Variants in ACLY observed in about 807,000 individuals in gnomAD.
The protein encoded by ACLY is ATP-citrate synthase.
ACLY carries 41 observed loss-of-function variants against 133.0 expected under a neutral mutation model. That is an observed-to-expected ratio of 0.31 (90% CI 0.24 to 0.40). The LOEUF (loss-of-function observed/expected upper bound fraction) is 0.40. ACLY is among the 10% of genes least tolerant of loss of function. The probability of loss-of-function intolerance (pLI) is 1.00; values close to 1 mark genes in which losing one functional copy is unlikely to be tolerated. For missense variants in ACLY, 1,046 were observed against 1,453.8 expected (o/e 0.72, Z 4.56); for synonymous variants, 495 against 549.3 (o/e 0.90, Z 1.38).
At chr17:41,870,126 G>T (rs1360413541) in intron 25 of ACLY, among the ~76,000 whole-genome samples, 16 of 152,160 alleles carry the variant, frequency 1.1e-4, no homozygotes, top group Non-Finnish European at 7.3e-5. Context: ...ATACCAAATC[G>T]AATACCAAAG....
intron 3 of ACLY, among the ~76,000 whole-genome samples, chr17:41,911,437 C>A (rs1281134667): frequency 3.3e-5 from 5 of 152,222 alleles, no homozygotes; most frequent in African/African-American, 1.2e-4. Context: ...TAATTTTATT[C>A]CAGGCATCTC....
chr17:41,890,743 G>A (rs1555629082), intron 16 of ACLY, among the ~76,000 whole-genome samples: 6 of 142,340 alleles, frequency 4.2e-5, no homozygotes, highest in African/African-American at 1.5e-4. Context: ...GCTCACTCCT[G>A]TAATCCCAGC....
rs2049965296 is a variant in ACLY at position 41,913,599 on chromosome 17, C to T, written c.159+116G>A. ...TCAGCCCATGGCATGCTTCCCACAG[C>T]TGCTGCTGGCAGCCTCCAACCCCAT... On this transcript the variant is annotated intron_variant, in intron 2 of 28. Transcript: ENST00000352035. 6 of 1,130,130 alleles carry T rather than the reference C, an allele frequency of 5.3e-6. No homozygotes were observed. The East Asian group carries it at 7.1e-5, about 13-fold the overall frequency. The allele number at this position is 1,130,130 out of a possible 1,614,324, so 70.0% of individuals were successfully genotyped here.
At chr17:41,917,509 A>T (rs1409691265) in intron 1 of ACLY, among the ~76,000 whole-genome samples, 1 of 152,122 alleles carries the variant, frequency 6.6e-6, no homozygotes, top group Non-Finnish European at 1.5e-5. Context: ...GGCTGAATGA[A>T]AGAAGCCTGT....
chr17:41,867,871 C>T lies in ACLY; in HGVS notation c.3245G>A (p.Gly1082Glu). The change falls in exon 29 of 29, where the codon GGG becomes GAG. Residue 1082 changes from glycine (G) to glutamate (E), a missense_variant. Gly to Glu is a moderately conservative substitution (Grantham distance 98, BLOSUM62 -2). This residue lies in a region of ACLY where 205 missense variants were observed against 373.3 expected (regional missense o/e 0.55). Coordinates refer to ENST00000352035, the MANE Select transcript of ACLY (RefSeq NM_001096.3). The part of the protein sequence containing the change: ...HYLDQKRLKQ[G>E]LYRHPWDDIS... ...ATCATCCCACGGATGACGATACAGC[C>T]CCTGCTTCAGCCTCTTCTGATCAAG... 6.2e-7 allele frequency: 1 copy of T among 1,611,084 alleles called. No homozygotes were observed. The highest frequency in any genetic ancestry group is 8.5e-7 in the Non-Finnish European group (1 of 1,178,596).
intron 7 of ACLY, among the ~76,000 whole-genome samples, chr17:41,906,853 C>CT (rs1404666682): frequency 6.6e-6 from 1 of 152,176 alleles, no homozygotes; most frequent in Non-Finnish European, 1.5e-5. Flanking sequence ...CAGTCACTGC[C>CT]TAGGGACAAA....
Position 41,909,583 on chromosome 17 carries a change from C to G in ACLY, c.463G>C (p.Gly155Arg). The stretch of plus-strand genomic sequence containing the variant: ...TCAGGATTCAGTTTCTCATCCACGC[C>G]AACAAGCAGCTTCTGGGCCTTGGCG... ...VDAKAQKLLVGVDEKLNPEDI... is the reference protein window; with the variant it reads ...VDAKAQKLLVRVDEKLNPEDI... Residue 155 changes from glycine to arginine, a missense_variant, in exon 5 of 29, where the codon GGC becomes CGC. Physicochemically the swap from Gly to Arg is moderately radical, Grantham distance 125 (BLOSUM62 -2). Around this residue, in one of 4 missense-constraint regions of ACLY, gnomAD observed 227 missense variants for 245.6 expected, o/e 0.92. Coordinates refer to ENST00000352035, the MANE Select transcript of ACLY (RefSeq NM_001096.3). The G allele has an allele frequency of 4.3e-6, 7 of 1,614,190 alleles. No homozygotes were observed. The highest frequency in any genetic ancestry group is 5.9e-6 in the Non-Finnish European group (7 of 1,180,044).
upstream of ACLY, among the ~76,000 whole-genome samples, chr17:41,923,524 C>A (rs1011467027): frequency 1.3e-5 from 2 of 152,224 alleles, no homozygotes; most frequent in African/African-American, 4.8e-5. Context: ...CTGTACCCTG[C>A]AACCTGCTGC....
In ACLY at chr17:41,913,884, A is replaced by C; in HGVS notation, c.-11T>G. The C allele has an allele frequency of 6.2e-7, 1 of 1,614,156 alleles. No individual in the cohort carries two copies. Among genetic ancestry groups the C allele is most frequent in the Non-Finnish European group, 8.5e-7 (1 of 1,179,990 alleles). ...TGCCTTGGCCGACATGGCTGCAGAG[A>C]GACCTGCTCTACCTGTCTGGGAGAG... On this transcript the variant is annotated 5_prime_UTR_variant, in exon 2 of 29. Coordinates refer to ENST00000352035, the MANE Select transcript of ACLY (RefSeq NM_001096.3).
At chr17:41,899,211 G>T (rs2049456766) in intron 11 of ACLY, among the ~76,000 whole-genome samples, 1 of 151,866 alleles carries the variant, frequency 6.6e-6, no homozygotes, top group Admixed American at 6.6e-5. Flanking sequence ...GGAGGCAGAG[G>T]TTGCAAAGTA....
upstream of ACLY, among the ~76,000 whole-genome samples, chr17:41,919,837 G>C (rs920315164): frequency 6.6e-5 from 10 of 152,228 alleles, no homozygotes; most frequent in African/African-American, 2.4e-4. Flanking sequence ...CATCCAATCT[G>C]ACAGGTGCTG....
intron 10 of ACLY, 75 bp downstream of exon 10, chr17:41,904,654 T>G (rs2049656570): frequency 1.4e-6 from 2 of 1,444,232 alleles, no homozygotes; most frequent in South Asian, 2.4e-5. Flanking sequence ...TGGCTCAAAC[T>G]CTGCTTTCAA....
At chr17:41,887,418 T>C (rs1043961136) in intron 17 of ACLY, among the ~76,000 whole-genome samples, 181 bp downstream of exon 17, 11 of 152,086 alleles carry the variant, frequency 7.2e-5, no homozygotes, top group African/African-American at 1.9e-4. Context: ...AGCCTAGGCA[T>C]TGCAGTGAGG....
At chr17:41,868,854 A>G (rs1555624509) in intron 27 of ACLY, 69 bp from the exon 28 acceptor site, 5 of 1,509,754 alleles carry the variant, frequency 3.3e-6, no homozygotes, top group East Asian at 4.5e-5. Context: ...AGACAGTACT[A>G]CTACTGCCCA....
chr17:41,909,568 G>C lies in ACLY; in HGVS notation c.478C>G (p.Leu160Val), dbSNP rs2049833587. The C allele has an allele frequency of 6.2e-7, 1 of 1,614,060 alleles. No individual in the cohort carries two copies. Among genetic ancestry groups the C allele is most frequent in the Non-Finnish European group, 8.5e-7 (1 of 1,180,054 alleles). ...QKLLVGVDEKLNPEDIKKHLL... is the reference protein window; with the variant it reads ...QKLLVGVDEKVNPEDIKKHLL... Reference sequence around the variant, plus strand: ...TGTTTTTTGATGTCCTCAGGATTCAGTTTCTCATCCACGCCAACAAGCAGC... The same window carrying C: ...TGTTTTTTGATGTCCTCAGGATTCACTTTCTCATCCACGCCAACAAGCAGC... The change falls in exon 5 of 29, where the codon CTG (leucine) becomes GTG (valine). Residue 160 changes from leucine to valine, a missense_variant. By Grantham distance (32) the Leu-to-Val change is conservative (BLOSUM62 1). This residue lies in a region of ACLY where 227 missense variants were observed against 245.6 expected (regional missense o/e 0.92). Transcript: ENST00000352035.
intron 10 of ACLY, among the ~76,000 whole-genome samples, chr17:41,902,380 A>AT (rs1350142141): frequency 1.3e-5 from 2 of 152,104 alleles, no homozygotes; most frequent in African/African-American, 4.8e-5. Flanking sequence ...CACCTGGCTA[A>AT]TTTTTTTATT....
chr17:41,916,454 A>C (rs1598048601), intron 1 of ACLY, among the ~76,000 whole-genome samples: 1 of 151,688 alleles, frequency 6.6e-6, no homozygotes, highest in East Asian at 1.9e-4. Context: ...GCTCACTGCA[A>C]CCTCAGCCTC....
chr17:41,927,377 G>C (rs1021035131), intron 1 of ACLY, among the ~76,000 whole-genome samples: 6 of 152,184 alleles, frequency 3.9e-5, no homozygotes, highest in Admixed American at 3.3e-4. Context: ...TCAGGCTGGA[G>C]TGCAGTGGCC....
At chr17:41,892,230 G>A (rs200515280) in intron 16 of ACLY, 49 bp downstream of exon 16, 179 of 852,830 alleles carry the variant, frequency 2.1e-4, no homozygotes, top group Admixed American at 2.8e-4. Flanking sequence ...ATCTACCTGC[G>A]CATAGTTCAT....
Sources: allele counts gnomAD v4.1 joint callset (sites outside exome capture counted in the v4.1 genomes callset), GRCh38; gene constraint gnomAD v4.1.1; regional missense constraint gnomAD v4.1.1; transcripts MANE v1.5; gene names NCBI Gene and HGNC (gene_info 2026-07-23, HGNC 2026-07-21).